TUBA1C: variants seen among roughly 807,000 people sequenced by gnomAD.
The protein encoded by TUBA1C is tubulin alpha-1C chain.
A neutral mutation model predicts 34.9 loss-of-function variants in TUBA1C; 16 were observed. The observed-to-expected ratio is 0.46, with a 90% CI of 0.31 to 0.70. The LOEUF (loss-of-function observed/expected upper bound fraction) is 0.70. TUBA1C is among the 30% of genes least tolerant of loss of function. The pLI is 0.05. For synonymous variants in TUBA1C, 177 were observed against 215.9 expected (o/e 0.82, Z 1.58); for missense variants, 329 against 587.3 (o/e 0.56, Z 4.55).
chr12:49,256,365 CA>C (rs1565645061), intron 1 of TUBA1C: 2 of 438,506 alleles, frequency 4.6e-6, no homozygotes, highest in Admixed American at 4.9e-5. Context: ...TTGTTTTGAA[CA>C]AAAATTATTT....
intron 1 of TUBA1C, among the ~76,000 whole-genome samples, chr12:49,258,444 T>C (rs1028819631): frequency 1.3e-5 from 2 of 152,030 alleles, no homozygotes; most frequent in African/African-American, 4.8e-5. Flanking sequence ...TTGTTTTTCT[T>C]TTTGAGACAG....
intron 1 of TUBA1C, among the ~76,000 whole-genome samples, chr12:49,256,218 C>A (rs1399069352): frequency 8.5e-5 from 13 of 152,222 alleles, no homozygotes; most frequent in African/African-American, 1.4e-4. Flanking sequence ...TGAGCATCAG[C>A]GAAACAGGCT....
intron 1 of TUBA1C, among the ~76,000 whole-genome samples, chr12:49,269,245 T>C (rs988918383): frequency 6.6e-6 from 1 of 152,088 alleles, no homozygotes; most frequent in African/African-American, 2.4e-5. Flanking sequence ...GTATTTTTAG[T>C]AGAGATGCAG....
chr12:49,252,968 AG>A (rs897704323), intron 1 of TUBA1C, among the ~76,000 whole-genome samples: 1 of 150,886 alleles, frequency 6.6e-6, no homozygotes, highest in African/African-American at 2.4e-5. Flanking sequence ...CTGTAATCCC[AG>A]CCACTTGGGG....
intron 1 of TUBA1C, among the ~76,000 whole-genome samples, chr12:49,239,305 A>T (rs2136991761): frequency 6.6e-6 from 1 of 152,294 alleles, no homozygotes; most frequent in East Asian, 1.9e-4. Flanking sequence ...TAGTGGAGGA[A>T]AACCAAAATA....
intron 1 of TUBA1C, among the ~76,000 whole-genome samples, chr12:49,265,819 A>G (rs1942899971): frequency 6.6e-6 from 1 of 152,200 alleles, no homozygotes; most frequent in South Asian, 2.1e-4. Flanking sequence ...TTTCTACTTA[A>G]GCCGGGTTTA....
chr12:49,267,367 G>A (rs1249162253), intron 1 of TUBA1C, among the ~76,000 whole-genome samples: 2 of 152,084 alleles, frequency 1.3e-5, no homozygotes, highest in South Asian at 2.1e-4. Flanking sequence ...CCAGTTAAAG[G>A]TAAACATGAT....
rs1464289356 is a variant in TUBA1C at position 49,273,352 on chromosome 12, T to C, written c.*125T>C. 1 of 1,561,572 alleles carries C rather than the reference T, an allele frequency of 6.4e-7. No individual in the cohort carries two copies. The highest frequency in any genetic ancestry group is 8.7e-7 in the Non-Finnish European group (1 of 1,147,852). ...ATTTTAAATGTCGAGCTGACTTAAA[T>C]ACTTGATCCAGTTAAAGTTGGATGT... is the stretch of plus-strand genomic sequence containing the variant. On this transcript the variant is annotated 3_prime_UTR_variant, in exon 4 of 4. Coordinates refer to ENST00000301072, the MANE Select transcript of TUBA1C (RefSeq NM_032704.5).
At chr12:49,259,546 C>T (rs1329651978) in intron 1 of TUBA1C, among the ~76,000 whole-genome samples, 2 of 152,194 alleles carry the variant, frequency 1.3e-5, no homozygotes, top group Admixed American at 1.3e-4. Flanking sequence ...CATCTAGTTA[C>T]AATCGCCTAA....
Position 49,273,475 on chromosome 12 carries a change from G to C in TUBA1C, c.*248G>C. The C allele has an allele frequency of 1.7e-6, 1 of 576,488 alleles. No individual in the cohort carries two copies. The allele number at this position is 576,488 out of a possible 1,614,324, so 35.7% of individuals were successfully genotyped here. On this transcript the variant is annotated 3_prime_UTR_variant, in exon 4 of 4. Coordinates refer to ENST00000301072, the MANE Select transcript of TUBA1C (RefSeq NM_032704.5). ...ATAATACATAGCTCATTGCAGCCTC[G>C]AGCTCCTGGACTCATGTGATTCTCC...
At chr12:49,270,928 G>A (rs182008391) in intron 3 of TUBA1C, among the ~76,000 whole-genome samples, 10 of 152,192 alleles carry the variant, frequency 6.6e-5, no homozygotes, top group East Asian at 5.8e-4. Context: ...GCAGTGAGCC[G>A]AGATCGTGCC....
intron 1 of TUBA1C, among the ~76,000 whole-genome samples, chr12:49,268,257 C>A (rs1803046276): frequency 6.6e-6 from 1 of 152,192 alleles, no homozygotes; most frequent in South Asian, 2.1e-4. Context: ...CACCACCATG[C>A]CTGGCTAATT....
chr12:49,269,387 A>G, intron 1 of TUBA1C, 78 bp from the exon 2 acceptor site: 1 of 1,593,628 alleles, frequency 6.3e-7, no homozygotes, highest in Non-Finnish European at 8.5e-7. Flanking sequence ...AAGGTTAATC[A>G]GTCATTAGGT....
chr12:49,240,135 C>T (rs552170566), intron 1 of TUBA1C, among the ~76,000 whole-genome samples: 2 of 151,524 alleles, frequency 1.3e-5, no homozygotes, highest in South Asian at 2.1e-4. Flanking sequence ...TTTTTGGGGA[C>T]GCCAATATAA....
Position 49,273,033 on chromosome 12 carries a change from G to A in TUBA1C, c.1156G>A (p.Glu386Lys). ...CMLSNTTAVAEAWARLDHKFD... is the reference protein window; with the variant it reads ...CMLSNTTAVAKAWARLDHKFD... ...GCTGAGCAATACCACAGCTGTTGCCGAGGCCTGGGCTCGCCTGGACCACAA... is the reference window on the plus strand; with the variant it reads ...GCTGAGCAATACCACAGCTGTTGCCAAGGCCTGGGCTCGCCTGGACCACAA... The change falls in exon 4 of 4, where the codon GAG becomes AAG. Residue 386 changes from glutamate (E) to lysine (K), a missense_variant. Glu to Lys is a moderately conservative substitution (Grantham distance 56). Around this residue, in one of 4 missense-constraint regions of TUBA1C, gnomAD observed 140 missense variants for 289.8 expected, o/e 0.48. Transcript: ENST00000301072. 2 of 1,614,236 alleles carry A rather than the reference G, an allele frequency of 1.2e-6. No homozygotes were observed. Among genetic ancestry groups the A allele is most frequent in the Non-Finnish European group, 8.5e-7 (1 of 1,180,040 alleles).
rs377104935 is a variant in TUBA1C, at chr12:49,269,466, G to A, written c.5G>A (p.Arg2His). The change falls in exon 2 of 4, where the codon CGT (arginine) becomes CAT (histidine). Residue 2 changes from arginine to histidine, a missense_variant and splice_region_variant. Physicochemically the swap from Arg to His is conservative, Grantham distance 29. This residue lies in a region of TUBA1C where 152 missense variants were observed against 240.3 expected (regional missense o/e 0.63). Transcript: ENST00000301072. ...CATTTTCCTTTCTTCCTCCCACAGC[G>A]TGAGTGCATCTCCATCCACGTTGGC... Reference protein sequence around the residue: MRECISIHVGQA... With the variant: MHECISIHVGQA... The A allele has an allele frequency of 9.3e-6, 15 of 1,614,160 alleles. 1 individual carries two copies. Among genetic ancestry groups the A allele is most frequent in the South Asian group, 5.5e-5 (5 of 91,078 alleles).
At chr12:49,228,826 T>C (rs552300120) in intron 1 of TUBA1C, among the ~76,000 whole-genome samples, 15 of 152,172 alleles carry the variant, frequency 9.9e-5, no homozygotes, top group Non-Finnish European at 1.9e-4. Context: ...TGGCTTTTCC[T>C]ATGCGTTATC....
At chr12:49,251,113 G>A (rs969815520) in intron 1 of TUBA1C, among the ~76,000 whole-genome samples, 1 of 152,046 alleles carries the variant, frequency 6.6e-6, no homozygotes, top group Non-Finnish European at 1.5e-5. Flanking sequence ...AGGCTGAGGT[G>A]GGACAATAAC....
At chr12:49,260,227 C>T (rs77501524), upstream of TUBA1C, among the ~76,000 whole-genome samples, 5,450 of 152,098 alleles carry the variant, frequency 0.036, 133 homozygotes, top group East Asian at 0.11. Flanking sequence ...GTAGTTAATT[C>T]CAGAAAAGAT....
Sources: allele counts gnomAD v4.1 joint callset (sites outside exome capture counted in the v4.1 genomes callset), GRCh38; gene constraint gnomAD v4.1.1; regional missense constraint gnomAD v4.1.1; transcripts MANE v1.5; gene names NCBI Gene and HGNC (gene_info 2026-07-23, HGNC 2026-07-21).